CES5A: variants seen among roughly 807,000 people sequenced by gnomAD.
The protein encoded by CES5A is carboxylesterase 5A.
A neutral mutation model predicts 62.9 loss-of-function variants in CES5A; 67 were observed. The ratio of observed to expected loss-of-function variants is 1.07; its 90% CI spans 0.88 to 1.31. The LOEUF (loss-of-function observed/expected upper bound fraction) is 1.31, where lower values mean the gene tolerates loss of function less well. Ranked by LOEUF, CES5A falls within the 50% of genes most tolerant of loss-of-function variation. The pLI, the probability that CES5A is intolerant of heterozygous loss-of-function variation, is 0.00. For synonymous variants in CES5A, 296 were observed against 280.8 expected (o/e 1.05, Z -0.54); for missense variants, 748 against 708.5 (o/e 1.06, Z -0.63).
intron 1 of CES5A, 78 bp from the exon 2 acceptor site, chr16:55,874,115 A>G (rs979050952): frequency 1.4e-5 from 18 of 1,294,356 alleles, no homozygotes; most frequent in Admixed American, 2.0e-5. Flanking sequence ...GGAGCTCCCC[A>G]GTGGGGATGT....
chr16:55,936,137 C>A (rs1461416288), intron 2 of CES5A, among the ~76,000 whole-genome samples: 3 of 152,156 alleles, frequency 2.0e-5, no homozygotes, highest in Admixed American at 1.3e-4. Context: ...TCCTCTGTCA[C>A]CTCCAATCTT....
chr16:55,900,886 C>CGTGG (rs1477955664), intron 1 of CES5A, among the ~76,000 whole-genome samples: 2 of 152,162 alleles, frequency 1.3e-5, no homozygotes, highest in African/African-American at 4.8e-5. Flanking sequence ...TTAAAGTGCA[C>CGTGG]GTGGGAAGTG....
intron 2 of CES5A, among the ~76,000 whole-genome samples, chr16:55,932,504 A>G (rs2034325173): frequency 6.9e-6 from 1 of 145,054 alleles, no homozygotes; most frequent in South Asian, 2.3e-4. Flanking sequence ...TCATTCATTA[A>G]ATGATAGATT....
intron 1 of CES5A, among the ~76,000 whole-genome samples, chr16:55,917,731 A>AC (rs2034161781): frequency 6.6e-6 from 1 of 152,098 alleles, no homozygotes; most frequent in South Asian, 2.1e-4. Context: ...GCTAGAAGTG[A>AC]GTCATTAAAT....
At chr16:55,881,578 T>C (rs556852738) in intron 1 of CES5A, among the ~76,000 whole-genome samples, 1 of 152,184 alleles carries the variant, frequency 6.6e-6, no homozygotes, top group South Asian at 2.1e-4. Context: ...CTACAGCAAA[T>C]GCAATGGAGA....
upstream of CES5A, among the ~76,000 whole-genome samples, chr16:55,925,892 C>A (rs140131713): frequency 1.3e-5 from 2 of 152,076 alleles, no homozygotes; most frequent in South Asian, 2.1e-4. Flanking sequence ...ATACACCTGA[C>A]AAGGGACTAA....
intron 1 of CES5A, among the ~76,000 whole-genome samples, chr16:55,922,631 C>A (rs1287264599): frequency 6.6e-6 from 1 of 151,866 alleles, no homozygotes; most frequent in Admixed American, 6.6e-5. Flanking sequence ...GGTAATGAGA[C>A]AGATCATGCA....
intron 1 of CES5A, among the ~76,000 whole-genome samples, chr16:55,952,157 A>C (rs577324934): frequency 2.0e-5 from 3 of 152,300 alleles, no homozygotes; most frequent in South Asian, 4.1e-4. Context: ...AATTCTATGC[A>C]CCTGAGCATG....
At chr16:55,949,791 C>A in exon 2 of CES5A, 1 of 1,466,438 alleles carries the variant, frequency 6.8e-7, no homozygotes, top group Non-Finnish European at 9.1e-7. Context: ...TCACCCTCAT[C>A]TTTGGAAGTG....
chr16:55,905,626 C>A (rs561367166), intron 1 of CES5A, among the ~76,000 whole-genome samples: 1 of 152,166 alleles, frequency 6.6e-6, no homozygotes, highest in Admixed American at 6.5e-5. Context: ...TCCCAAAGTG[C>A]TAGGATTACA....
At chr16:55,863,792 C>T (rs2033402468) in intron 5 of CES5A, among the ~76,000 whole-genome samples, 1 of 147,202 alleles carries the variant, frequency 6.8e-6, no homozygotes, top group African/African-American at 2.5e-5. Context: ...GAGTCTCGCT[C>T]TGTGGCCAGG....
chr16:55,885,935 G>A (rs2033811015), intron 1 of CES5A, among the ~76,000 whole-genome samples: 1 of 152,242 alleles, frequency 6.6e-6, no homozygotes, highest in Non-Finnish European at 1.5e-5. Flanking sequence ...GACTGAGCAA[G>A]TCTGGCTAGC....
At position 55,931,818 on chromosome 16, in the gene CES5A, T is replaced by C. The variant is rs150218576; in HGVS notation, c.160+17967A>G. On this transcript the variant is annotated intron_variant, in intron 2 of 13. Transcript: ENST00000521992. ...ATTTCTGAGGACAGGGACCTTGCCTTGGGCATGCTGTGTCTCTGATGCTGA... is the reference window on the plus strand; with the variant it reads ...ATTTCTGAGGACAGGGACCTTGCCTCGGGCATGCTGTGTCTCTGATGCTGA... Among the ~76,000 whole-genome samples, 3 of 152,332 alleles carry C rather than the reference T, an allele frequency of 2.0e-5. No homozygotes were observed. The East Asian group carries it at 5.8e-4, about 29-fold the overall frequency.
At chr16:55,942,460 G>T (rs1179612222) in intron 2 of CES5A, among the ~76,000 whole-genome samples, 1 of 152,132 alleles carries the variant, frequency 6.6e-6, no homozygotes, top group East Asian at 1.9e-4. Flanking sequence ...ATAAGAAATG[G>T]TATTTAACAT....
intron 2 of CES5A, 72 bp downstream of exon 2, chr16:55,873,761 C>A (rs779314231): frequency 4.4e-6 from 6 of 1,363,586 alleles, no homozygotes; most frequent in Non-Finnish European, 6.1e-6. Context: ...TTCTTTCACA[C>A]TGGGCTGCAT....
At chr16:55,927,915 C>T (rs1168628518), upstream of CES5A, among the ~76,000 whole-genome samples, 4 of 152,134 alleles carry the variant, frequency 2.6e-5, no homozygotes, top group African/African-American at 9.7e-5. Context: ...ATATGGTATA[C>T]ATATACCATG....
At position 55,903,391 on chromosome 16, in the gene CES5A, G is replaced by A. The variant is rs75875160; in HGVS notation, c.-256+21932C>T. Reference sequence around the variant, plus strand: ...GTTAATGAAGAAAAAAAGAAACAAAGGAATTGAGTACAGAATATTGTCACT... The same window carrying A: ...GTTAATGAAGAAAAAAAGAAACAAAAGAATTGAGTACAGAATATTGTCACT... On this transcript the variant is annotated intron_variant, in intron 1 of 12. Transcript: ENST00000518005. 2.1e-3 allele frequency among the ~76,000 whole-genome samples: 327 copies of A among 152,286 alleles called. 5 individuals are homozygous for A. In the East Asian group the frequency reaches 0.044, roughly 21 times the overall value.
chr16:55,890,839 C>A (rs940533321), intron 1 of CES5A, among the ~76,000 whole-genome samples: 5 of 152,246 alleles, frequency 3.3e-5, no homozygotes, highest in African/African-American at 1.2e-4. Context: ...AGGATGGACA[C>A]CTGTAACACA....
intron 1 of CES5A, among the ~76,000 whole-genome samples, chr16:55,886,382 T>C (rs1221963404): frequency 6.6e-6 from 1 of 152,210 alleles, no homozygotes; most frequent in African/African-American, 2.4e-5. Context: ...GATTCATCTA[T>C]GGGAGTGGGA....
Sources: allele counts gnomAD v4.1 joint callset (sites outside exome capture counted in the v4.1 genomes callset), GRCh38; gene constraint gnomAD v4.1.1; transcripts MANE v1.5; gene names NCBI Gene and HGNC (gene_info 2026-07-23, HGNC 2026-07-21).